PRKN: variants seen among roughly 807,000 people sequenced by gnomAD.
PRKN encodes the protein parkin RBR E3 ubiquitin protein ligase.
PRKN carries 56 observed loss-of-function variants against 59.5 expected under a neutral mutation model. The ratio of observed to expected loss-of-function variants is 0.94; its 90% CI spans 0.76 to 1.18. PRKN has a LOEUF of 1.18. PRKN is among the 50% of genes most tolerant of loss of function. The pLI is 0.00. For synonymous variants in PRKN, 250 were observed against 222.1 expected (o/e 1.13, Z -1.12); for missense variants, 657 against 596.4 (o/e 1.10, Z -1.06).
intron 1 of PRKN, among the ~76,000 whole-genome samples, chr6:162,614,026 A>T (rs1782297080): frequency 6.6e-6 from 1 of 152,174 alleles, no homozygotes; most frequent in Admixed American, 6.6e-5. Context: ...TAGTGGAATA[A>T]ATGACAATTA....
At chr6:161,697,985 A>G (rs990321990) in intron 7 of PRKN, among the ~76,000 whole-genome samples, 1 of 152,092 alleles carries the variant, frequency 6.6e-6, no homozygotes, top group African/African-American at 2.4e-5. Flanking sequence ...CATGTCTTGG[A>G]TTAATGGGCC....
intron 9 of PRKN, among the ~76,000 whole-genome samples, chr6:161,476,655 G>A (rs912683779): frequency 4.6e-5 from 7 of 152,216 alleles, no homozygotes; most frequent in African/African-American, 2.4e-5. Flanking sequence ...AGTCAGGGCA[G>A]CCGGGAGGCA....
At chr6:162,446,401 G>T (rs1481297049) in intron 1 of PRKN, among the ~76,000 whole-genome samples, 3 of 152,062 alleles carry the variant, frequency 2.0e-5, no homozygotes, top group African/African-American at 7.2e-5. Context: ...TTGCTCCAGG[G>T]GTTCAAATCA....
chr6:162,169,354 T>A (rs1783147490), intron 4 of PRKN, among the ~76,000 whole-genome samples: 1 of 152,166 alleles, frequency 6.6e-6, no homozygotes, highest in South Asian at 2.1e-4. Flanking sequence ...ATTTCAAGGT[T>A]CTCATTTTGT....
chr6:161,937,147 G>T (rs1313690673), intron 6 of PRKN, among the ~76,000 whole-genome samples: 6 of 152,192 alleles, frequency 3.9e-5, no homozygotes, highest in Admixed American at 3.9e-4. Context: ...CTGTAAAAAA[G>T]AATGTACTGA....
At chr6:161,714,695 C>T (rs933991320) in intron 7 of PRKN, among the ~76,000 whole-genome samples, 2 of 152,152 alleles carry the variant, frequency 1.3e-5, no homozygotes, top group South Asian at 4.1e-4. Context: ...ACAAAGACAA[C>T]TTTCTCATTT....
At chr6:162,079,700 G>C (rs545244586) in intron 4 of PRKN, among the ~76,000 whole-genome samples, 3 of 151,914 alleles carry the variant, frequency 2.0e-5, no homozygotes, top group Admixed American at 2.0e-4. Flanking sequence ...CCACCTTATT[G>C]TCACCCTCTA....
intron 2 of PRKN, among the ~76,000 whole-genome samples, chr6:162,408,214 G>C (rs942047875): frequency 6.6e-6 from 1 of 151,914 alleles, no homozygotes; most frequent in Non-Finnish European, 1.5e-5. Flanking sequence ...TACTAGTCGG[G>C]GTACTTACAT....
intron 2 of PRKN, among the ~76,000 whole-genome samples, chr6:162,375,572 C>T (rs1786017927): frequency 6.6e-6 from 1 of 151,866 alleles, no homozygotes; most frequent in Admixed American, 6.6e-5. Flanking sequence ...AATGTTCACC[C>T]AGTTAAGTAT....
At chr6:161,590,033 C>T (rs1278318097) in intron 7 of PRKN, among the ~76,000 whole-genome samples, 4 of 151,802 alleles carry the variant, frequency 2.6e-5, no homozygotes, top group African/African-American at 7.3e-5. Context: ...AGATGATCCA[C>T]GCACCTTGGC....
chr6:161,522,158 T>C (rs1160483349), intron 9 of PRKN, among the ~76,000 whole-genome samples: 1 of 152,140 alleles, frequency 6.6e-6, no homozygotes, highest in Non-Finnish European at 1.5e-5. Flanking sequence ...TGCCAAATTG[T>C]GCTACCTCCC....
At chr6:162,007,388 A>AAATC (rs1281088295) in intron 5 of PRKN, among the ~76,000 whole-genome samples, 2 of 152,196 alleles carry the variant, frequency 1.3e-5, no homozygotes, top group African/African-American at 4.8e-5. Flanking sequence ...TTCAGGCAAG[A>AAATC]AATCAAAACT....
intron 7 of PRKN, among the ~76,000 whole-genome samples, chr6:161,574,418 T>A (rs1438657799): frequency 6.6e-6 from 1 of 152,178 alleles, no homozygotes; most frequent in Non-Finnish European, 1.5e-5. Context: ...AAGCATCACC[T>A]CCCTCACATA....
At chr6:161,687,388 CAAAAAAAAAAAAAA>C (rs1192587302) in intron 7 of PRKN, among the ~76,000 whole-genome samples, 11 of 51,558 alleles carry the variant, frequency 2.1e-4, no homozygotes, top group African/African-American at 8.9e-4. Flanking sequence ...GACTCCATCT[CAAAAAAAAAAAAAA>C]AAAAAAAAAA....
At chr6:161,771,763 C>T (rs1789703888) in intron 7 of PRKN, among the ~76,000 whole-genome samples, 1 of 152,148 alleles carries the variant, frequency 6.6e-6, no homozygotes, top group African/African-American at 2.4e-5. Context: ...TTCATCTTGA[C>T]ATTAGAATAT....
Position 162,188,614 on chromosome 6 carries a change from A to C in PRKN, c.534+12517T>G, listed in dbSNP as rs550054726. Among the ~76,000 whole-genome samples the C allele has an allele frequency of 3.9e-5, 6 of 152,238 alleles. No individual in the cohort carries two copies. In the South Asian group the frequency reaches 1.2e-3, roughly 32 times the overall value. On this transcript the variant is annotated intron_variant, in intron 4 of 11. Transcript: ENST00000366898. Reference sequence around the variant, plus strand: ...TCTTGCCATACCTTTCGTGGCTCCAACGCTGTTCTTTGAAAAGAAAACTTC... The same window carrying C: ...TCTTGCCATACCTTTCGTGGCTCCACCGCTGTTCTTTGAAAAGAAAACTTC...
chr6:162,555,123 T>C (rs951691580), intron 1 of PRKN, among the ~76,000 whole-genome samples: 1 of 152,076 alleles, frequency 6.6e-6, no homozygotes, highest in African/African-American at 2.4e-5. Context: ...AAACACATGG[T>C]AAATGACTGG....
In PRKN at chr6:162,718,675, T is replaced by G. The variant is rs1217219760; in HGVS notation, c.7+8987A>C. Among the ~76,000 whole-genome samples the G allele has an allele frequency of 4.6e-5, 7 of 151,768 alleles. No individual in the cohort carries two copies. The East Asian group carries it at 1.4e-3, about 29-fold the overall frequency. On this transcript the variant is annotated intron_variant, in intron 1 of 11. Coordinates refer to ENST00000366898, the MANE Select transcript of PRKN (RefSeq NM_004562.3). ...TTACAGTGAGCCGCGATCACGCCAC[T>G]GCACTCCAGCCTGGGCAACACAGCA... is the stretch of plus-strand genomic sequence containing the variant.
chr6:161,859,610 CAAA>C (rs57747027), intron 6 of PRKN, among the ~76,000 whole-genome samples: 44 of 90,338 alleles, frequency 4.9e-4, no homozygotes, highest in African/African-American at 1.5e-3. Context: ...GACTCTCTCT[CAAA>C]AAAAAAAAAA....
Sources: gnomAD v4.1 joint callset for allele counts (sites outside exome capture counted in the v4.1 genomes callset) on GRCh38, gnomAD v4.1.1 for gene constraint, MANE v1.5 for transcripts, NCBI Gene and HGNC (gene_info 2026-07-23, HGNC 2026-07-21) for gene names.